The following NOTCH2NLR variants were observed in gnomAD, a reference collection of about 807,000 sequenced individuals.
NOTCH2NLR encodes notch 2 N-terminal like R (pseudogene).
In NOTCH2NLR, 33 loss-of-function variants were observed where a neutral mutation model predicts 35.6. That is an observed-to-expected ratio of 0.93 (90% CI 0.70 to 1.24). The LOEUF is 1.24. Ranked by LOEUF, NOTCH2NLR falls within the 50% of genes most tolerant of loss-of-function variation. The probability of loss-of-function intolerance (pLI) is 0.00; values close to 1 mark genes in which losing one functional copy is unlikely to be tolerated. For missense variants in NOTCH2NLR, 276 were observed against 362.2 expected (o/e 0.76, Z 1.93); for synonymous variants, 103 against 141.0 (o/e 0.73, Z 1.91).
chr1:120,785,036 G>T lies in NOTCH2NLR; in HGVS notation c.218G>T (p.Cys73Phe), dbSNP rs1651405569. Residue 73 changes from cysteine to phenylalanine, a missense_variant, in exon 3 of 5, where the codon TGC becomes TTC. Coordinates refer to ENST00000624419, the Ensembl canonical transcript of NOTCH2NLR. ...CGAGACCCCTGTGAGAAGAACCGCTGCCAGAATGGTGGGACTTGTGTGGCC... is the reference window on the plus strand; with the variant it reads ...CGAGACCCCTGTGAGAAGAACCGCTTCCAGAATGGTGGGACTTGTGTGGCC... The T allele has an allele frequency of 4.4e-5, 63 of 1,442,744 alleles. 14 individuals are homozygous for T. The highest frequency in any genetic ancestry group is 4.0e-4 in the East Asian group (17 of 42,818). 89.4% of individuals were successfully genotyped at this position (1,442,744 alleles called of 1,614,324 possible).
chr1:120,785,139 T>C lies in NOTCH2NLR; in HGVS notation c.321T>C (p.His107=). The change falls in exon 3 of 5, where the codon CAT becomes CAC. Residue 107 remains histidine, a synonymous_variant. Transcript: ENST00000624419. The stretch of plus-strand genomic sequence containing the variant: ...AGGACTGCCAGTACTCGACACCTCA[T>C]CCATGCTTTGTGTCTCGACCTTGCC... 1.2e-5 allele frequency: 18 copies of C among 1,446,640 alleles called. 2 individuals are homozygous for C. The highest frequency in any genetic ancestry group is 1.7e-5 in the Non-Finnish European group (18 of 1,082,424). 89.6% of individuals were successfully genotyped at this position (1,446,640 alleles called of 1,614,324 possible).
chr1:120,778,391 G>A (rs1651323029), intron 2 of NOTCH2NLR, among the ~76,000 whole-genome samples: 1 of 108,464 alleles, frequency 9.2e-6, no homozygotes, highest in South Asian at 2.6e-4. Context: ...TAGCCCAGAG[G>A]GAGTAAAGAG....
At chr1:120,723,994 C>A in exon 1 of NOTCH2NLR, 1 of 1,209,424 alleles carries the variant, frequency 8.3e-7, no homozygotes, top group South Asian at 1.8e-5. Context: ...GCGGCGGACT[C>A]GGGGCGCGGG....
At chr1:120,724,132 G>A in exon 1 of NOTCH2NLR, 2 of 1,357,526 alleles carry the variant, frequency 1.5e-6, no homozygotes, top group Non-Finnish European at 9.6e-7. Context: ...CTGCCCAGGC[G>A]GCGGCGGCGG....
downstream of NOTCH2NLR, among the ~76,000 whole-genome samples, chr1:120,794,143 G>C (rs1249162881): frequency 7.9e-5 from 9 of 113,754 alleles, 2 homozygotes; most frequent in East Asian, 1.9e-3. Context: ...ATATATGAGA[G>C]ACTATGTGTG....
At chr1:120,728,459 T>G (rs2101342668) in intron 1 of NOTCH2NLR, among the ~76,000 whole-genome samples, 1 of 114,458 alleles carries the variant, frequency 8.7e-6, no homozygotes, top group South Asian at 2.6e-4. Context: ...GTGTGGGGTT[T>G]CTTTCTTTCT....
At chr1:120,745,120 C>CA (rs1180453854) in intron 1 of NOTCH2NLR, among the ~76,000 whole-genome samples, 36 of 36,562 alleles carry the variant, frequency 9.8e-4, no homozygotes, top group South Asian at 3.9e-3. Context: ...ATCCTGTCTC[C>CA]AAAAAAAAAA....
rs1205288592 is a variant in NOTCH2NLR, at chr1:120,784,229, G to C, written c.156-745G>C. ...GAAATCAAACTTTATTAATACAGTAGGTCTAGTTTCACATAAAGCAAATAT... is the reference window on the plus strand; with the variant it reads ...GAAATCAAACTTTATTAATACAGTACGTCTAGTTTCACATAAAGCAAATAT... On this transcript the variant is annotated intron_variant, in intron 2 of 4. Transcript: ENST00000624419. 2.4e-4 allele frequency among the ~76,000 whole-genome samples: 28 copies of C among 118,544 alleles called. 5 individuals carry two copies. In the East Asian group the frequency reaches 3.0e-3, roughly 12 times the overall value. The allele number at this position is 118,544 out of a possible 152,430, so 77.8% of individuals were successfully genotyped here.
rs1323090899 is a variant in NOTCH2NLR at position 120,776,097 on chromosome 1, C to T, written c.156-8877C>T. Among the ~76,000 whole-genome samples, 2 of 116,196 alleles carry T rather than the reference C, an allele frequency of 1.7e-5. 1 individual carries two copies. The highest frequency in any genetic ancestry group is 3.3e-5 in the Non-Finnish European group (2 of 60,888). The allele number at this position is 116,196 out of a possible 152,430, so 76.2% of individuals were successfully genotyped here. The stretch of plus-strand genomic sequence containing the variant: ...GATTCCACAGAGCCCTTCACTTTGA[C>T]CTTTTGCTTCTGCACTGAATAGTTG... On this transcript the variant is annotated intron_variant, in intron 2 of 4. Transcript: ENST00000624419.
At chr1:120,790,590 T>C (rs1236976718) in intron 3 of NOTCH2NLR, among the ~76,000 whole-genome samples, 43 of 88,578 alleles carry the variant, frequency 4.9e-4, no homozygotes, top group Non-Finnish European at 8.1e-4. Flanking sequence ...CTTTCTTTCT[T>C]TCTCTTTCTC....
At chr1:120,755,951 T>C (rs1651075894) in intron 1 of NOTCH2NLR, among the ~76,000 whole-genome samples, 1 of 108,618 alleles carries the variant, frequency 9.2e-6, no homozygotes, top group Admixed American at 8.9e-5. Flanking sequence ...TTTTTTTTTT[T>C]TTTTCCTTTC....
rs1423477377 is a variant in NOTCH2NLR at position 120,793,455 on chromosome 1, G to A, written c.710G>A (p.Arg237Gln). Residue 237 changes from arginine (R) to glutamine (Q), a missense_variant, in exon 4 of 5, where the codon CGG (arginine) becomes CAG (glutamine). Coordinates refer to ENST00000624419, the Ensembl canonical transcript of NOTCH2NLR. ...CCTTGTGTCAATGGAGGCACCTGTC[G>A]GCAGACTGGTGACTTCACTTTTGAG... 6.6e-5 allele frequency: 95 copies of A among 1,432,940 alleles called. 26 individuals carry two copies. The highest frequency in any genetic ancestry group is 4.7e-4 in the Admixed American group (24 of 51,028). The allele number at this position is 1,432,940 out of a possible 1,614,324, so 88.8% of individuals were successfully genotyped here. A position where few individuals can be genotyped will look rare whatever the true frequency, so the allele number is the denominator to read the frequency against.
At position 120,790,314 on chromosome 1, in the gene NOTCH2NLR, G is replaced by A. The variant is rs1478559538; in HGVS notation, c.416-2847G>A. Among the ~76,000 whole-genome samples the A allele has an allele frequency of 3.6e-5, 4 of 112,202 alleles. 1 individual carries two copies. The highest frequency in any genetic ancestry group is 5.2e-4 in the South Asian group (2 of 3,840). 73.6% of individuals were successfully genotyped at this position (112,202 alleles called of 152,430 possible). A position where few individuals can be genotyped will look rare whatever the true frequency, so the allele number is the denominator to read the frequency against. On this transcript the variant is annotated intron_variant, in intron 3 of 4. Transcript: ENST00000624419. ...CAGGTGTGAGCCACCACACCGGGCC[G>A]ATTCTGATCATCTTTTATACATATG...
rs1438430459 is a variant in NOTCH2NLR, at chr1:120,726,739, CTTA to C, written c.73+2495_73+2497del. On this transcript the variant is annotated intron_variant, in intron 1 of 4. Coordinates refer to ENST00000624419, the Ensembl canonical transcript of NOTCH2NLR. ...CTAAAACTATTTTTCCTTTCACTTT[CTTA>C]TTATTCCTTTTTTTTTGGTGTGGTG... 3.7e-5 allele frequency among the ~76,000 whole-genome samples: 4 copies of C among 109,124 alleles called. 2 individuals are homozygous for C. Among genetic ancestry groups the C allele is most frequent in the African/African-American group, 2.3e-4 (4 of 17,418 alleles). The allele number at this position is 109,124 out of a possible 152,430, so 71.6% of individuals were successfully genotyped here.
Position 120,727,822 on chromosome 1 carries a change from C to G in NOTCH2NLR, c.73+3572C>G, listed in dbSNP as rs1199724170. ...GTTTTTGTTTCCCCCCCTTTCTCTGCAAATGACTTGAAACCAAAAGGTCTT... is the reference window on the plus strand; with the variant it reads ...GTTTTTGTTTCCCCCCCTTTCTCTGGAAATGACTTGAAACCAAAAGGTCTT... On this transcript the variant is annotated intron_variant, in intron 1 of 4. Transcript: ENST00000624419. Among the ~76,000 whole-genome samples, 6 of 117,478 alleles carry G rather than the reference C, an allele frequency of 5.1e-5. 3 individuals carry two copies. Among genetic ancestry groups the G allele is most frequent in the African/African-American group, 2.0e-4 (4 of 20,122 alleles). 77.1% of individuals were successfully genotyped at this position (117,478 alleles called of 152,430 possible). A position where few individuals can be genotyped will look rare whatever the true frequency, so the allele number is the denominator to read the frequency against.
chr1:120,777,678 G>T (rs1651314127), intron 2 of NOTCH2NLR, among the ~76,000 whole-genome samples: 1 of 70,566 alleles, frequency 1.4e-5, no homozygotes, highest in Non-Finnish European at 2.4e-5. Context: ...TTGAGAGAAG[G>T]GGGGGTTGAG....
Position 120,765,115 on chromosome 1 carries a change from G to A in NOTCH2NLR, c.155+1406G>A, listed in dbSNP as rs1423055802. On this transcript the variant is annotated intron_variant, in intron 2 of 4. Transcript: ENST00000624419. Reference sequence around the variant, plus strand: ...GAATAAAGATAACATTGGAAATAAAGGTTTTATGTAGCTTATTATGAGCTG... The same window carrying A: ...GAATAAAGATAACATTGGAAATAAAAGTTTTATGTAGCTTATTATGAGCTG... Among the ~76,000 whole-genome samples the A allele has an allele frequency of 4.3e-5, 5 of 116,010 alleles. 1 individual carries two copies. Among genetic ancestry groups the A allele is most frequent in the Non-Finnish European group, 8.4e-5 (5 of 59,570 alleles). 76.1% of individuals were successfully genotyped at this position (116,010 alleles called of 152,430 possible). A position where few individuals can be genotyped will look rare whatever the true frequency, so the allele number is the denominator to read the frequency against.
rs1276077801 is a variant in NOTCH2NLR at position 120,764,371 on chromosome 1, A to G, written c.155+662A>G. Among the ~76,000 whole-genome samples, 4 of 99,212 alleles carry G rather than the reference A, an allele frequency of 4.0e-5. 2 individuals are homozygous for G. The highest frequency in any genetic ancestry group is 2.5e-4 in the African/African-American group (4 of 15,794). The allele number at this position is 99,212 out of a possible 152,430, so 65.1% of individuals were successfully genotyped here. On this transcript the variant is annotated intron_variant, in intron 2 of 4. Coordinates refer to ENST00000624419, the Ensembl canonical transcript of NOTCH2NLR. ...TATTATCTTGTTTTTAAGTAAAACC[A>G]AATAGATATCAACTTTAATATTCGG...
Position 120,729,013 on chromosome 1 carries a change from T to A in NOTCH2NLR, c.73+4763T>A, listed in dbSNP as rs1463111238. The stretch of plus-strand genomic sequence containing the variant: ...AACTTGTCTGGCATGTGCCCCAAAT[T>A]CAGAGTCAACTGAGTGGCAGGTCTT... On this transcript the variant is annotated intron_variant, in intron 1 of 4. Coordinates refer to ENST00000624419, the Ensembl canonical transcript of NOTCH2NLR. 3.2e-4 allele frequency among the ~76,000 whole-genome samples: 37 copies of A among 116,690 alleles called. 7 individuals are homozygous for A. The highest frequency in any genetic ancestry group is 3.3e-5 in the Non-Finnish European group (2 of 61,070). The allele number at this position is 116,690 out of a possible 152,430, so 76.6% of individuals were successfully genotyped here.
Sources: allele counts gnomAD v4.1 joint callset (sites outside exome capture counted in the v4.1 genomes callset), GRCh38; gene constraint gnomAD v4.1.1; transcripts MANE v1.5; gene names NCBI Gene and HGNC (gene_info 2026-07-23, HGNC 2026-07-21).